Variants in NPHP1 observed in about 807,000 individuals in gnomAD.
NPHP1 encodes nephrocystin-1.
A neutral mutation model predicts 90.4 loss-of-function variants in NPHP1; 70 were observed. The ratio of observed to expected loss-of-function variants is 0.77; its 90% CI spans 0.64 to 0.95. NPHP1 has a LOEUF of 0.95. Ranked by LOEUF, NPHP1 falls within the 40% of genes least tolerant of loss-of-function variation. The pLI is 0.00. For synonymous variants in NPHP1, 256 were observed against 271.7 expected, an observed-to-expected ratio of 0.94 and a Z score of 0.57; for missense variants, 764 against 795.9, an observed-to-expected ratio of 0.96 and a Z score of 0.48.
intron 6 of NPHP1, among the ~76,000 whole-genome samples, chr2:110,168,066 A>C (rs1301076256): frequency 2.6e-5 from 4 of 152,210 alleles, no homozygotes; most frequent in African/African-American, 9.6e-5. Context: ...TGAAATAAGA[A>C]AATACAAGCT....
At chr2:110,175,832 A>G (rs1271709764) in intron 4 of NPHP1, among the ~76,000 whole-genome samples, 1 of 152,140 alleles carries the variant, frequency 6.6e-6, no homozygotes, top group Non-Finnish European at 1.5e-5. Context: ...GACTTCAATT[A>G]CAAATCTGTT....
rs1189202122 is a variant in NPHP1, at chr2:110,169,969, T to C, written c.359A>G (p.Glu120Gly). Residue 120 changes from glutamate to glycine, a missense_variant, in exon 5 of 20, where the codon GAA becomes GGA. Coordinates refer to ENST00000445609, the MANE Select transcript of NPHP1 (RefSeq NM_001128178.3). ...GTCTTCACTATCTTCACTTTCACTT[T>C]CTTCCTCTTCTTCAGTAGGTGCCCC... is the stretch of plus-strand genomic sequence containing the variant. ...EVGAPTEEEE[E>G]SESEDSEDSG... 1 of 1,611,418 alleles carries C rather than the reference T, an allele frequency of 6.2e-7. No individual in the cohort carries two copies.
chr2:110,127,699 G>A (rs1175047397), intron 18 of NPHP1: 7 of 152,080 alleles, frequency 4.6e-5, no homozygotes, highest in African/African-American at 1.4e-4. Flanking sequence ...GGACAGCCCC[G>A]GCTGGGTCAT....
intron 1 of NPHP1, among the ~76,000 whole-genome samples, chr2:110,204,606 T>C (rs139810603): frequency 1.3e-5 from 2 of 151,870 alleles, no homozygotes; most frequent in Non-Finnish European, 2.9e-5. Context: ...GTTGTTAGGG[T>C]AGGAGGTTGA....
intron 12 of NPHP1, 149 bp from the exon 13 acceptor site, chr2:110,148,175 T>C: frequency 2.9e-6 from 2 of 691,802 alleles, no homozygotes; most frequent in Non-Finnish European, 5.3e-6. Context: ...GTTTGGGTCA[T>C]GAGGGCAGAT....
At chr2:110,183,562 A>T (rs1684063528) in intron 2 of NPHP1, among the ~76,000 whole-genome samples, 1 of 151,922 alleles carries the variant, frequency 6.6e-6, no homozygotes, top group African/African-American at 2.4e-5. Context: ...CACTCCACAC[A>T]CTATATTTCT....
chr2:110,148,069 A>C, intron 12 of NPHP1, 43 bp from the exon 13 acceptor site: 1 of 1,267,622 alleles, frequency 7.9e-7, no homozygotes, highest in Non-Finnish European at 1.2e-6. Context: ...AAAATAAAAA[A>C]TGGGAAGGGG....
At chr2:110,173,589 T>C (rs1683313113) in intron 4 of NPHP1, among the ~76,000 whole-genome samples, 1 of 152,212 alleles carries the variant, frequency 6.6e-6, no homozygotes, top group Non-Finnish European at 1.5e-5. Flanking sequence ...AAATACACCA[T>C]TGTGTTACAA....
In NPHP1 at chr2:110,184,172, G is replaced by A. The variant is rs1367180412; in HGVS notation, c.144-4488C>T. The A allele has an allele frequency of 2.3e-5, 13 of 560,882 alleles. No homozygotes were observed. In the East Asian group the frequency reaches 6.2e-4, roughly 27 times the overall value. The allele number at this position is 560,882 out of a possible 1,614,324, so 34.7% of individuals were successfully genotyped here. ...ACAAATACTGCTTTCCAAAGTATGT[G>A]GGCCTACCCATGCATATTCGTATCA... On this transcript the variant is annotated intron_variant, in intron 2 of 19. Transcript: ENST00000445609.
At chr2:110,165,185 T>C in intron 6 of NPHP1, 30 bp from the exon 7 acceptor site, 1 of 1,546,726 alleles carries the variant, frequency 6.5e-7, no homozygotes, top group Non-Finnish European at 8.9e-7. Context: ...TGAAGTGCTT[T>C]TTAACTAATG....
At chr2:110,135,185 A>C (rs990605238) in intron 16 of NPHP1, among the ~76,000 whole-genome samples, 4 of 152,168 alleles carry the variant, frequency 2.6e-5, no homozygotes, top group Admixed American at 2.6e-4. Context: ...AATTTACAAT[A>C]GCATCAAAAA....
intron 16 of NPHP1, among the ~76,000 whole-genome samples, chr2:110,134,207 AC>A (rs1679996385): frequency 6.6e-6 from 1 of 152,052 alleles, no homozygotes; most frequent in Non-Finnish European, 1.5e-5. Context: ...GTAAGAGAGT[AC>A]TATAAATAGT....
chr2:110,193,960 G>A (rs1039636540), intron 2 of NPHP1, among the ~76,000 whole-genome samples: 6 of 152,146 alleles, frequency 3.9e-5, no homozygotes, highest in Admixed American at 1.3e-4. Context: ...TGAAACCAAC[G>A]AGAACAAAGC....
intron 4 of NPHP1, 160 bp downstream of exon 4, chr2:110,178,263 T>C: frequency 1.4e-6 from 1 of 714,122 alleles, no homozygotes; most frequent in Non-Finnish European, 2.3e-6. Context: ...TCTCATGGGA[T>C]CTAACACCTT....
At chr2:110,138,198 C>T (rs1024404200) in intron 16 of NPHP1, among the ~76,000 whole-genome samples, 7 of 151,948 alleles carry the variant, frequency 4.6e-5, no homozygotes, top group African/African-American at 1.7e-4. Flanking sequence ...GGAGGGATAG[C>T]ATTAGGAGAT....
At chr2:110,125,603 A>G in intron 19 of NPHP1, 34 bp downstream of exon 19, 1 of 1,584,964 alleles carries the variant, frequency 6.3e-7, no homozygotes, top group Admixed American at 1.7e-5. Context: ...AGGTACTGCA[A>G]ATATGGAGTT....
chr2:110,189,247 G>A (rs145821412), intron 2 of NPHP1, among the ~76,000 whole-genome samples: 36 of 152,256 alleles, frequency 2.4e-4, no homozygotes, highest in African/African-American at 7.5e-4. Flanking sequence ...GAATGAAGCC[G>A]TGGACCCTCG....
At position 110,144,154 on chromosome 2, in the gene NPHP1, T is replaced by C. The variant is rs139296629; in HGVS notation, c.1429+339A>G. On this transcript the variant is annotated intron_variant, in intron 15 of 19. Transcript: ENST00000445609. The stretch of plus-strand genomic sequence containing the variant: ...ATGCTCAATATTTCTAGAGGGCAAT[T>C]TGGCATGCATATTACTGTTTCAAAT... 641 of 343,930 alleles carry C rather than the reference T, an allele frequency of 1.9e-3. 1 individual carries two copies. The highest frequency in any genetic ancestry group is 2.9e-3 in the Non-Finnish European group (537 of 184,850). The allele number at this position is 343,930 out of a possible 1,614,324, so 21.3% of individuals were successfully genotyped here.
intron 4 of NPHP1, among the ~76,000 whole-genome samples, chr2:110,177,064 A>T (rs1433048242): frequency 2.0e-5 from 3 of 152,080 alleles, no homozygotes; most frequent in Non-Finnish European, 4.4e-5. Context: ...CTTGGAATCT[A>T]CCTTCCTCCA....
Sources: allele counts gnomAD v4.1 joint callset (sites outside exome capture counted in the v4.1 genomes callset), GRCh38; gene constraint gnomAD v4.1.1; transcripts MANE v1.5; gene names NCBI Gene and HGNC (gene_info 2026-07-23, HGNC 2026-07-21).